The following CERK variants were observed in gnomAD, a reference collection of about 807,000 sequenced individuals.
CERK encodes acylsphingosine kinase.
A neutral mutation model predicts 63.4 loss-of-function variants in CERK; 39 were observed. The observed-to-expected ratio is 0.61, with a 90% CI of 0.48 to 0.80. CERK has a LOEUF of 0.80. Ranked by LOEUF, CERK falls within the 30% of genes least tolerant of loss-of-function variation. The pLI, the probability that CERK is intolerant of heterozygous loss-of-function variation, is 0.00. For missense variants in CERK, 670 were observed against 714.1 expected (o/e 0.94, Z 0.70); for synonymous variants, 302 against 280.0 (o/e 1.08, Z -0.78).
chr22:46,695,278 C>T lies in CERK; in HGVS notation c.981G>A (p.Gly327=). Reference sequence around the variant, plus strand: ...GTTGTGCAGGGAGGAAGGACACTGTCCCTTCATAGCAGTGGTGGGAGAGGA... The same window carrying T: ...GTTGTGCAGGGAGGAAGGACACTGTTCCTTCATAGCAGTGGTGGGAGAGGA... ...KTFLSHHCYE[G]TVSFLPAQHT... Residue 327 remains glycine (G), a synonymous_variant, in exon 9 of 13, where the codon GGG becomes GGA. Transcript: ENST00000216264. The T allele has an allele frequency of 6.2e-7, 1 of 1,612,132 alleles. No individual in the cohort carries two copies. The highest frequency in any genetic ancestry group is 8.5e-7 in the Non-Finnish European group (1 of 1,178,164).
chr22:46,737,650 C>G (rs954970245), intron 1 of CERK, among the ~76,000 whole-genome samples: 9 of 152,326 alleles, frequency 5.9e-5, no homozygotes, highest in Admixed American at 5.2e-4. Context: ...CTGGCACCCC[C>G]CCTCGGGATC....
intron 1 of CERK, among the ~76,000 whole-genome samples, chr22:46,724,323 G>A (rs1377685809): frequency 6.6e-6 from 1 of 152,074 alleles, no homozygotes; most frequent in African/African-American, 2.4e-5. Flanking sequence ...TTACATTATC[G>A]CAAGGCGTCC....
rs753059915 is a variant in CERK, at chr22:46,687,201, T to C, written c.1547A>G (p.His516Arg). ...TGCAAAGAGTCGAACCAGCTGGCAG[T>C]GGACTCTGCAGAGACAAGCGGCCAC... ...LHSPAIEVRVHCQLVRLFARG... is the reference protein window; with the variant it reads ...LHSPAIEVRVRCQLVRLFARG... The change falls in exon 13 of 13, where the codon CAC becomes CGC. Residue 516 changes from histidine (H) to arginine (R), a missense_variant. Coordinates refer to ENST00000216264, the MANE Select transcript of CERK (RefSeq NM_022766.6). 2 of 1,614,054 alleles carry C rather than the reference T, an allele frequency of 1.2e-6. No individual in the cohort carries two copies. The highest frequency in any genetic ancestry group is 1.7e-6 in the Non-Finnish European group (2 of 1,180,000).
At chr22:46,704,058 G>C (rs552642032) in intron 6 of CERK, among the ~76,000 whole-genome samples, 1 of 152,222 alleles carries the variant, frequency 6.6e-6, no homozygotes, top group East Asian at 1.9e-4. Context: ...GCTACAATGC[G>C]CACCCACCCT....
intron 3 of CERK, among the ~76,000 whole-genome samples, chr22:46,719,859 A>T (rs2281537): frequency 6.6e-6 from 1 of 152,086 alleles, no homozygotes; most frequent in South Asian, 2.1e-4. Context: ...CCTCCTGGCC[A>T]GTGAGCAGGG....
chr22:46,719,993 CACGAA>C, intron 3 of CERK, 88 bp downstream of exon 3: 2 of 1,514,520 alleles, frequency 1.3e-6, no homozygotes, highest in South Asian at 2.5e-5. Flanking sequence ...TGGCCAGCTG[CACGAA>C]ACGGGGAGAC....
chr22:46,732,221 G>C (rs1412606309), intron 1 of CERK, among the ~76,000 whole-genome samples: 1 of 151,964 alleles, frequency 6.6e-6, no homozygotes, highest in Non-Finnish European at 1.5e-5. Flanking sequence ...GCTGGAGCTT[G>C]TATGCGGGTG....
chr22:46,723,601 A>G (rs2082903283), intron 1 of CERK, among the ~76,000 whole-genome samples: 1 of 152,082 alleles, frequency 6.6e-6, no homozygotes, highest in African/African-American at 2.4e-5. Flanking sequence ...CCTGGGCAAC[A>G]AAGTGAGACT....
intron 1 of CERK, among the ~76,000 whole-genome samples, chr22:46,732,336 G>A (rs1037531992): frequency 6.6e-6 from 1 of 151,032 alleles, no homozygotes; most frequent in Non-Finnish European, 1.5e-5. Flanking sequence ...CCAGCTACAG[G>A]TTCCTGAGAT....
intron 6 of CERK, 107 bp from the exon 7 acceptor site, chr22:46,701,817 G>A: frequency 2.8e-6 from 2 of 721,800 alleles, no homozygotes; most frequent in East Asian, 2.8e-5. Context: ...TGGCCCTAGA[G>A]TCAACACTAA....
intron 6 of CERK, among the ~76,000 whole-genome samples, chr22:46,705,730 C>T (rs988179902): frequency 6.6e-6 from 1 of 151,464 alleles, no homozygotes; most frequent in African/African-American, 2.4e-5. Context: ...CGCCAGCCAG[C>T]AAGACAAGTG....
intron 3 of CERK, among the ~76,000 whole-genome samples, chr22:46,713,383 C>T (rs1483646580): frequency 2.0e-5 from 3 of 151,686 alleles, no homozygotes; most frequent in Non-Finnish European, 4.4e-5. Context: ...GTGGCGGGCA[C>T]CTGTAGTCCC....
Position 46,701,715 on chromosome 22 carries a change from A to G in CERK, c.716-5T>C. On this transcript the variant is annotated splice_polypyrimidine_tract_variant and splice_region_variant and intron_variant, in intron 6 of 12. Transcript: ENST00000216264. Reference sequence around the variant, plus strand: ...AACACACGCAGTCCGTTGACCCTGTAAAGGGAAAAAGAAGGTCCCAAATAG... The same window carrying G: ...AACACACGCAGTCCGTTGACCCTGTGAAGGGAAAAAGAAGGTCCCAAATAG... The G allele has an allele frequency of 6.4e-7, 1 of 1,552,490 alleles. No homozygotes were observed. Among genetic ancestry groups the G allele is most frequent in the Non-Finnish European group, 8.7e-7 (1 of 1,147,304 alleles).
chr22:46,688,092 G>A lies in CERK; in HGVS notation c.1542-886C>T, dbSNP rs150743124. 8.1e-3 allele frequency among the ~76,000 whole-genome samples: 1,240 copies of A among 152,242 alleles called. 10 individuals carry two copies. The highest frequency in any genetic ancestry group is 0.014 in the Admixed American group (209 of 15,302). On this transcript the variant is annotated intron_variant, in intron 12 of 12. Coordinates refer to ENST00000216264, the MANE Select transcript of CERK (RefSeq NM_022766.6). ...GGCGCCTGCTACTTGGGAGGCTGAG[G>A]CAGGAGAATTGCTTGAACCTGGGAG...
At chr22:46,737,862 A>C in intron 1 of CERK, 145 bp downstream of exon 1, 22 of 238,124 alleles carry the variant, frequency 9.2e-5, no homozygotes, top group East Asian at 2.7e-4. Context: ...GCCTGCCCCG[A>C]CCCCTCCCTG....
Position 46,726,862 on chromosome 22 carries a change from C to T in CERK, c.143-5847G>A, listed in dbSNP as rs9627549. ...GGGGGAAGCCAGAACCCACGTGACGCCCACAGGTCAGCCCTGAGCTGCGAC... is the reference window on the plus strand; with the variant it reads ...GGGGGAAGCCAGAACCCACGTGACGTCCACAGGTCAGCCCTGAGCTGCGAC... On this transcript the variant is annotated intron_variant, in intron 1 of 12. Coordinates refer to ENST00000216264, the MANE Select transcript of CERK (RefSeq NM_022766.6). Among the ~76,000 whole-genome samples, 684 of 152,196 alleles carry T rather than the reference C, an allele frequency of 4.5e-3. 5 individuals carry two copies. Among genetic ancestry groups the T allele is most frequent in the African/African-American group, 0.016 (649 of 41,518 alleles).
chr22:46,709,486 C>A (rs970190449), intron 5 of CERK, among the ~76,000 whole-genome samples: 4 of 152,148 alleles, frequency 2.6e-5, no homozygotes, highest in Admixed American at 1.3e-4. Flanking sequence ...ACAGAACACT[C>A]CCGCATTAGG....
At chr22:46,727,381 G>A (rs2082923823) in intron 1 of CERK, among the ~76,000 whole-genome samples, 2 of 151,322 alleles carry the variant, frequency 1.3e-5, no homozygotes, top group South Asian at 2.1e-4. Flanking sequence ...CCAGGCTCAT[G>A]CAATCCTCCC....
chr22:46,718,804 T>C (rs2082878167), intron 3 of CERK, among the ~76,000 whole-genome samples: 1 of 152,214 alleles, frequency 6.6e-6, no homozygotes, highest in South Asian at 2.1e-4. Flanking sequence ...CTGGGCTCAG[T>C]GGCTTACACC....
Sources: gnomAD v4.1 joint callset for allele counts (sites outside exome capture counted in the v4.1 genomes callset) on GRCh38, gnomAD v4.1.1 for gene constraint, MANE v1.5 for transcripts, NCBI Gene and HGNC (gene_info 2026-07-23, HGNC 2026-07-21) for gene names.